TENM3: variants seen among roughly 807,000 people sequenced by gnomAD.
TENM3 encodes the protein teneurin transmembrane protein 3.
In TENM3, 63 loss-of-function variants were observed where a neutral mutation model predicts 255.1. The observed-to-expected ratio is 0.25, with a 90% CI of 0.20 to 0.30. The LOEUF is 0.30. Ranked by LOEUF, TENM3 falls within the 10% of genes least tolerant of loss-of-function variation. The pLI is 1.00. For missense variants in TENM3, 2,929 were observed against 3,461.1 expected, an observed-to-expected ratio of 0.85 and a Z score of 3.86; for synonymous variants, 1,306 against 1,322.3, an observed-to-expected ratio of 0.99 and a Z score of 0.27.
the TENM3 span, among the ~76,000 whole-genome samples, chr4:181,713,548 G>T: frequency 6.6e-6 from 1 of 152,180 alleles, no homozygotes; most frequent in East Asian, 1.9e-4. Context: ...GCCTCCATGT[G>T]CCTTGAATAT....
intron 12 of TENM3, among the ~76,000 whole-genome samples, chr4:182,707,527 A>G (rs1166636702): frequency 1.3e-5 from 2 of 152,382 alleles, no homozygotes; most frequent in East Asian, 3.8e-4. Context: ...TTTACAAAAA[A>G]AAGGAATTCT....
At chr4:182,315,288 G>C (rs1452751010) in intron 1 of TENM3, among the ~76,000 whole-genome samples, 1 of 152,068 alleles carries the variant, frequency 6.6e-6, no homozygotes, top group Non-Finnish European at 1.5e-5. Flanking sequence ...TGCCTGAAGG[G>C]CTTCCTTTAC....
At chr4:182,076,455 G>A in the TENM3 span, among the ~76,000 whole-genome samples, 1 of 151,748 alleles carries the variant, frequency 6.6e-6, no homozygotes, top group South Asian at 2.1e-4. Flanking sequence ...ACCTGCCTCG[G>A]CCTCCCAAAG....
At chr4:181,481,404 G>A in the TENM3 span, among the ~76,000 whole-genome samples, 2 of 151,848 alleles carry the variant, frequency 1.3e-5, no homozygotes, top group African/African-American at 4.9e-5. Flanking sequence ...CCGTTTGTCT[G>A]TTCATATATG....
intron 3 of TENM3, among the ~76,000 whole-genome samples, chr4:182,597,230 C>A (rs866976890): frequency 6.6e-6 from 1 of 152,024 alleles, no homozygotes; most frequent in Non-Finnish European, 1.5e-5. Flanking sequence ...TAGGGAAACC[C>A]CATCTCGACA....
chr4:181,982,309 G>A, the TENM3 span, among the ~76,000 whole-genome samples: 1 of 152,112 alleles, frequency 6.6e-6, no homozygotes, highest in Non-Finnish European at 1.5e-5. Context: ...AGGGGTCAGT[G>A]AAAACCTTTC....
chr4:181,952,051 A>G, the TENM3 span, among the ~76,000 whole-genome samples: 4 of 152,224 alleles, frequency 2.6e-5, no homozygotes, highest in African/African-American at 7.2e-5. Flanking sequence ...TAGACTTTTT[A>G]AAGAACTGTG....
the TENM3 span, among the ~76,000 whole-genome samples, chr4:181,702,042 G>A: frequency 0.075 from 11,476 of 152,174 alleles, 510 homozygotes; most frequent in Middle Eastern, 0.15. Flanking sequence ...CCTATACTCA[G>A]TGGGCACTAT....
chr4:181,708,424 G>A, the TENM3 span, among the ~76,000 whole-genome samples: 3 of 152,210 alleles, frequency 2.0e-5, no homozygotes, highest in Admixed American at 6.5e-5. Flanking sequence ...ATATTAGAAC[G>A]AGATAAGAGA....
intron 24 of TENM3, among the ~76,000 whole-genome samples, chr4:182,786,186 G>A (rs1414161436): frequency 3.3e-5 from 5 of 152,020 alleles, no homozygotes; most frequent in East Asian, 3.9e-4. Context: ...TCCAAGGCAC[G>A]CACAGTGATG....
chr4:181,840,618 C>T, the TENM3 span, among the ~76,000 whole-genome samples: 1 of 151,964 alleles, frequency 6.6e-6, no homozygotes, highest in South Asian at 2.1e-4. Context: ...TGTTTAATTC[C>T]AACATATGAT....
At chr4:182,124,110 G>T in the TENM3 span, among the ~76,000 whole-genome samples, 1 of 152,178 alleles carries the variant, frequency 6.6e-6, no homozygotes, top group Non-Finnish European at 1.5e-5. Context: ...GGAGTGCAAT[G>T]GCGTGATCTC....
At chr4:182,502,936 T>TTA (rs1553967277) in intron 3 of TENM3, among the ~76,000 whole-genome samples, 3 of 145,242 alleles carry the variant, frequency 2.1e-5, no homozygotes, top group African/African-American at 5.1e-5. Flanking sequence ...TTTTTTTTTT[T>TTA]ACTTACCTGC....
At chr4:181,779,760 T>C in the TENM3 span, among the ~76,000 whole-genome samples, 2 of 152,088 alleles carry the variant, frequency 1.3e-5, no homozygotes, top group African/African-American at 4.8e-5. Flanking sequence ...TTACATTAGG[T>C]ATATCTCCTA....
the TENM3 span, among the ~76,000 whole-genome samples, chr4:181,755,683 G>A: frequency 3.3e-5 from 5 of 152,042 alleles, no homozygotes; most frequent in African/African-American, 9.7e-5. Context: ...ATGTGGCTAA[G>A]TGACATCAAT....
At chr4:181,528,374 A>G in the TENM3 span, among the ~76,000 whole-genome samples, 28 of 152,164 alleles carry the variant, frequency 1.8e-4, no homozygotes, top group Non-Finnish European at 3.2e-4. Context: ...TACAAAACAG[A>G]CCCTCTAGCA....
chr4:182,763,454 A>G (rs960637112), intron 22 of TENM3, among the ~76,000 whole-genome samples: 3 of 151,938 alleles, frequency 2.0e-5, no homozygotes, highest in Non-Finnish European at 2.9e-5. Flanking sequence ...AGTCCCAGCT[A>G]CTCGGGAGGC....
intron 24 of TENM3, among the ~76,000 whole-genome samples, chr4:182,778,556 C>A (rs757809257): frequency 3.3e-5 from 5 of 152,116 alleles, no homozygotes; most frequent in Non-Finnish European, 5.9e-5. Flanking sequence ...ATGAGCCTGC[C>A]CTTCCTTACT....
At chr4:182,480,190 C>G (rs1734059436) in intron 3 of TENM3, among the ~76,000 whole-genome samples, 1 of 151,912 alleles carries the variant, frequency 6.6e-6, no homozygotes, top group East Asian at 1.9e-4. Flanking sequence ...GTGGAAGATT[C>G]ACTTATTTTG....
Sources: gnomAD v4.1 joint callset for allele counts (sites outside exome capture counted in the v4.1 genomes callset) on GRCh38, gnomAD v4.1.1 for gene constraint, MANE v1.5 for transcripts, NCBI Gene and HGNC (gene_info 2026-07-23, HGNC 2026-07-21) for gene names.